The following FBXO31 variants were observed in gnomAD, a reference collection of about 807,000 sequenced individuals.
FBXO31 encodes the protein F-box protein 31.
FBXO31 carries 24 observed loss-of-function variants against 54.4 expected under a neutral mutation model. The observed-to-expected ratio is 0.44, with a 90% CI of 0.32 to 0.62. The LOEUF (loss-of-function observed/expected upper bound fraction) is 0.62, where lower values mean the gene tolerates loss of function less well. Ranked by LOEUF, FBXO31 falls within the 20% of genes least tolerant of loss-of-function variation. The pLI, the probability that FBXO31 is intolerant of heterozygous loss-of-function variation, is 0.05. For missense variants in FBXO31, 665 were observed against 787.1 expected (o/e 0.84, Z 1.86); for synonymous variants, 388 against 335.6 (o/e 1.16, Z -1.71).
chr16:87,389,840 T>C (rs895563685), exon 1 of FBXO31: 8 of 152,132 alleles, frequency 5.3e-5, no homozygotes, highest in African/African-American at 1.9e-4. Context: ...AGGTTAAAAA[T>C]TTCGGAATCT....
intron 1 of FBXO31, among the ~76,000 whole-genome samples, chr16:87,375,472 C>T (rs1429604297): frequency 2.0e-5 from 3 of 152,030 alleles, no homozygotes; most frequent in Non-Finnish European, 4.4e-5. Flanking sequence ...GCCTGGGCAA[C>T]AGAGCAAGAC....
chr16:87,348,574 G>A (rs1905498046), intron 2 of FBXO31, among the ~76,000 whole-genome samples: 1 of 152,152 alleles, frequency 6.6e-6, no homozygotes, highest in South Asian at 2.1e-4. Context: ...GGGAGGATAA[G>A]CCAACATATA....
upstream of FBXO31, chr16:87,391,530 G>T: frequency 6.6e-6 from 1 of 152,484 alleles, no homozygotes; most frequent in Non-Finnish European, 1.5e-5. Context: ...GGGTAGACAG[G>T]GCGGCTAGCG....
Position 87,333,906 on chromosome 16 carries a change from G to A in FBXO31, c.1377C>T (p.Tyr459=). The change falls in exon 8 of 9, where the codon TAC becomes TAT. Residue 459 remains tyrosine, a synonymous_variant. Transcript: ENST00000311635. ...CTTACCACATCCTGCAGGTTCGGGG[G>A]TAGTCCTCATTCCTGGAGCTCACGC... ...PVGVSSRNED[Y]PRTCRMCFYG... 5 of 1,607,742 alleles carry A rather than the reference G, an allele frequency of 3.1e-6. No individual in the cohort carries two copies. The East Asian group carries it at 1.1e-4, about 36-fold the overall frequency.
In FBXO31 at chr16:87,383,115, G is replaced by A. The variant is rs1439050239; in HGVS notation, c.340+290C>T. On this transcript the variant is annotated intron_variant, in intron 1 of 8. Coordinates refer to ENST00000311635, the MANE Select transcript of FBXO31 (RefSeq NM_024735.5). The surrounding 1 kb of genome is among the most constrained non-coding windows in gnomAD (Gnocchi z 4.9). ...TCGGCCCCGTGGTGTCCCGTGCCCCGCGTCAGGGCCTCTTCGATGCCTCCC... is the reference window on the plus strand; with the variant it reads ...TCGGCCCCGTGGTGTCCCGTGCCCCACGTCAGGGCCTCTTCGATGCCTCCC... Among the ~76,000 whole-genome samples the A allele has an allele frequency of 1.3e-5, 2 of 151,684 alleles. No individual in the cohort carries two copies. Among genetic ancestry groups the A allele is most frequent in the Non-Finnish European group, 2.9e-5 (2 of 67,934 alleles).
At chr16:87,343,841 A>G (rs1905271915) in intron 3 of FBXO31, 76 bp from the exon 4 acceptor site, 1 of 1,526,174 alleles carries the variant, frequency 6.6e-7, no homozygotes, top group South Asian at 1.2e-5. Flanking sequence ...GGCTCCCCGC[A>G]CTGCAATGGC....
At chr16:87,353,390 G>C (rs8057105) in intron 2 of FBXO31, among the ~76,000 whole-genome samples, 6 of 152,294 alleles carry the variant, frequency 3.9e-5, no homozygotes, top group Non-Finnish European at 8.8e-5. Context: ...CAAAATTCAC[G>C]TCCCCTAGAA....
intron 2 of FBXO31, among the ~76,000 whole-genome samples, chr16:87,359,060 T>G (rs955694993): frequency 6.6e-6 from 1 of 152,192 alleles, no homozygotes; most frequent in African/African-American, 2.4e-5. Context: ...TGGATAAGCC[T>G]TAAAGCAAAT....
intron 1 of FBXO31, among the ~76,000 whole-genome samples, chr16:87,370,753 G>A (rs1032448146): frequency 4.6e-5 from 7 of 152,162 alleles, no homozygotes; most frequent in Non-Finnish European, 1.0e-4. Context: ...AGTGCTGAGG[G>A]ACCTGCTGGC....
intron 4 of FBXO31, 135 bp downstream of exon 4, chr16:87,343,463 A>T (rs1905255698): frequency 1.9e-6 from 2 of 1,062,284 alleles, no homozygotes; most frequent in Non-Finnish European, 2.7e-6. Context: ...ACAGCAGGGC[A>T]GGGCGGAGCC....
At position 87,327,414 on chromosome 16, in the gene FBXO31, T is replaced by G. The variant is rs34824696; in HGVS notation, c.*3874A>C. 1,917 of 152,876 alleles carry G rather than the reference T, an allele frequency of 0.013. 15 individuals carry two copies. The highest frequency in any genetic ancestry group is 0.02 in the Middle Eastern group (6 of 300). 9.5% of individuals were successfully genotyped at this position (152,876 alleles called of 1,614,324 possible). A position where few individuals can be genotyped will look rare whatever the true frequency, so the allele number is the denominator to read the frequency against. On this transcript the variant is annotated 3_prime_UTR_variant, in exon 9 of 9. Transcript: ENST00000311635. The stretch of plus-strand genomic sequence containing the variant: ...GGCTCACGCCTGTAATCCCAGCACT[T>G]TGGGAGGCCGAGGCGGGTGGATCAC...
chr16:87,378,063 G>A (rs1906907308), intron 1 of FBXO31, among the ~76,000 whole-genome samples: 1 of 151,732 alleles, frequency 6.6e-6, no homozygotes, highest in South Asian at 2.1e-4. Flanking sequence ...GGAGGCTGAG[G>A]CAGGAGAACT....
chr16:87,379,646 G>C (rs982938741), intron 1 of FBXO31, among the ~76,000 whole-genome samples: 4 of 152,098 alleles, frequency 2.6e-5, no homozygotes, highest in African/African-American at 9.7e-5. Context: ...CTGTGTCTGA[G>C]TACTCATTTC....
chr16:87,389,380 T>C (rs1284858657), intron 1 of FBXO31, among the ~76,000 whole-genome samples: 1 of 152,178 alleles, frequency 6.6e-6, no homozygotes, highest in Non-Finnish European at 1.5e-5. Context: ...CCCTGGCCCA[T>C]TACTACACAA....
intron 1 of FBXO31, among the ~76,000 whole-genome samples, chr16:87,380,025 C>T (rs1449939619): frequency 4.8e-5 from 7 of 146,178 alleles, no homozygotes; most frequent in African/African-American, 1.0e-4. Context: ...AAAGGCCTGC[C>T]GCGGTGGCTC....
At chr16:87,379,289 A>G (rs1001277750) in intron 1 of FBXO31, among the ~76,000 whole-genome samples, 1 of 152,142 alleles carries the variant, frequency 6.6e-6, no homozygotes, top group Non-Finnish European at 1.5e-5. Context: ...GAAAGGACGC[A>G]AACCTTCTGA....
chr16:87,346,440 A>G lies in FBXO31; in HGVS notation c.489+734T>C, dbSNP rs1358268192. ...AAGAGAAGGAAAACTTCACCGAAAA[A>G]CGGGAATTTAATAAAAAAGAAAGCC... is the stretch of plus-strand genomic sequence containing the variant. On this transcript the variant is annotated intron_variant, in intron 3 of 8. Coordinates refer to ENST00000311635, the MANE Select transcript of FBXO31 (RefSeq NM_024735.5). This position sits in a 1 kb window ranked among gnomAD's most constrained non-coding sequence, Gnocchi z 4.2. Among the ~76,000 whole-genome samples, 2 of 152,168 alleles carry G rather than the reference A, an allele frequency of 1.3e-5. No homozygotes were observed. The highest frequency in any genetic ancestry group is 2.4e-5 in the African/African-American group (1 of 41,432).
intron 1 of FBXO31, among the ~76,000 whole-genome samples, chr16:87,365,812 G>C (rs1429455818): frequency 6.6e-6 from 1 of 152,106 alleles, no homozygotes; most frequent in Non-Finnish European, 1.5e-5. Flanking sequence ...CAAATCACTT[G>C]AGGTCAGGAG....
At chr16:87,376,525 T>G (rs1029513562) in intron 1 of FBXO31, among the ~76,000 whole-genome samples, 17 of 152,178 alleles carry the variant, frequency 1.1e-4, no homozygotes, top group African/African-American at 4.1e-4. Flanking sequence ...TCTGCCCAAC[T>G]TGGCCTCCCA....
Sources: gnomAD v4.1 joint callset for allele counts (sites outside exome capture counted in the v4.1 genomes callset) on GRCh38, gnomAD v4.1.1 for gene constraint, Gnocchi (gnomAD v3.1) non-coding constraint, MANE v1.5 for transcripts, NCBI Gene and HGNC (gene_info 2026-07-23, HGNC 2026-07-21) for gene names.